Variants in GRIA4 observed in about 807,000 individuals in gnomAD.
The protein encoded by GRIA4 is glutamate ionotropic receptor AMPA type subunit 4.
Under a neutral mutation model 104.0 loss-of-function variants are expected in GRIA4, and 34 were observed. The ratio of observed to expected loss-of-function variants is 0.33; its 90% CI spans 0.25 to 0.44. GRIA4 has a LOEUF of 0.44. Among genes scored for constraint, GRIA4 ranks in the 20% least tolerant of loss-of-function variants. The pLI is 1.00. For missense variants in GRIA4, 750 were observed against 1,096.5 expected (o/e 0.68, Z 4.46); for synonymous variants, 386 against 381.9 (o/e 1.01, Z -0.13).
intron 10 of GRIA4, chr11:105,912,349 G>C: frequency 4.1e-6 from 4 of 975,428 alleles, no homozygotes; most frequent in Non-Finnish European, 4.9e-6. Flanking sequence ...GTTTTAATGT[G>C]CATTATAGGT....
intron 4 of GRIA4, among the ~76,000 whole-genome samples, chr11:105,839,765 G>C (rs1170364107): frequency 1.3e-5 from 2 of 151,842 alleles, no homozygotes; most frequent in African/African-American, 4.8e-5. Flanking sequence ...TCTAGTTCTA[G>C]TTCATTAATA....
intron 6 of GRIA4, among the ~76,000 whole-genome samples, chr11:105,889,885 A>T (rs1946399389): frequency 1.3e-5 from 2 of 152,196 alleles, no homozygotes; most frequent in South Asian, 4.1e-4. Flanking sequence ...ATATTCTAAA[A>T]ATTAAACCAA....
At chr11:105,776,496 A>G (rs1327409253) in intron 4 of GRIA4, among the ~76,000 whole-genome samples, 6 of 152,194 alleles carry the variant, frequency 3.9e-5, no homozygotes, top group Admixed American at 1.3e-4. Context: ...CATAAAACAG[A>G]TGGTTTATAT....
At chr11:105,615,118 C>G (rs1281576311) in intron 3 of GRIA4, among the ~76,000 whole-genome samples, 3 of 151,688 alleles carry the variant, frequency 2.0e-5, no homozygotes, top group Non-Finnish European at 3.0e-5. Flanking sequence ...ACTGGAGGAT[C>G]TGATCTGTCT....
intron 4 of GRIA4, among the ~76,000 whole-genome samples, chr11:105,853,192 T>C (rs1413809654): frequency 1.3e-5 from 2 of 152,144 alleles, no homozygotes; most frequent in African/African-American, 4.8e-5. Flanking sequence ...GTTTTGCAGG[T>C]TAGCTCAGGA....
chr11:105,760,471 G>C (rs943132004), intron 4 of GRIA4, among the ~76,000 whole-genome samples: 1 of 152,056 alleles, frequency 6.6e-6, no homozygotes, highest in African/African-American at 2.4e-5. Flanking sequence ...TTCTTGCAAT[G>C]TTGTTCCTTA....
chr11:105,646,737 A>C (rs7115043), intron 3 of GRIA4, among the ~76,000 whole-genome samples: 78,774 of 151,982 alleles, frequency 0.52, 20,682 homozygotes, highest in Admixed American at 0.61. Flanking sequence ...CTGGCTAGCC[A>C]AATGCAGAAG....
chr11:105,912,600 GC>G (rs1340902406), intron 10 of GRIA4: 3 of 434,918 alleles, frequency 6.9e-6, no homozygotes, highest in Non-Finnish European at 9.1e-6. Flanking sequence ...TGACAGTAAA[GC>G]CATCAATATT....
chr11:105,974,986 A>T (rs1470399010), intron 16 of GRIA4: 1 of 166,042 alleles, frequency 6.0e-6, no homozygotes, highest in Non-Finnish European at 1.3e-5. Context: ...TGACAAAGTC[A>T]TATTGTTTTC....
At chr11:105,878,544 C>G (rs1186532396) in intron 5 of GRIA4, among the ~76,000 whole-genome samples, 1 of 152,212 alleles carries the variant, frequency 6.6e-6, no homozygotes, top group East Asian at 1.9e-4. Flanking sequence ...TTCTCTGTCA[C>G]AGGGAGATGG....
At chr11:105,633,405 C>G (rs1951089196) in intron 3 of GRIA4, among the ~76,000 whole-genome samples, 1 of 152,170 alleles carries the variant, frequency 6.6e-6, no homozygotes, top group Non-Finnish European at 1.5e-5. Flanking sequence ...GAGTCTATAT[C>G]TATTTTTCCT....
intron 4 of GRIA4, among the ~76,000 whole-genome samples, chr11:105,821,438 C>T (rs1304270093): frequency 2.0e-5 from 3 of 151,862 alleles, no homozygotes; most frequent in Non-Finnish European, 4.4e-5. Context: ...GAAGCATAGT[C>T]CTGGCATCTG....
intron 5 of GRIA4, among the ~76,000 whole-genome samples, chr11:105,874,385 G>A (rs535748453): frequency 6.6e-6 from 1 of 152,286 alleles, no homozygotes; most frequent in South Asian, 2.1e-4. Context: ...GCTTAGGATT[G>A]TCTTGGCTAT....
chr11:105,804,538 A>G (rs901205494), intron 4 of GRIA4, among the ~76,000 whole-genome samples: 2 of 152,022 alleles, frequency 1.3e-5, no homozygotes, highest in African/African-American at 4.8e-5. Context: ...TCCTGCACAG[A>G]AAAATGACAG....
At chr11:105,785,024 A>G (rs1185713905) in intron 4 of GRIA4, among the ~76,000 whole-genome samples, 1 of 152,126 alleles carries the variant, frequency 6.6e-6, no homozygotes, top group East Asian at 1.9e-4. Flanking sequence ...TATTAAGCCC[A>G]TGCAGCGTTC....
intron 7 of GRIA4, 113 bp from the exon 8 acceptor site, chr11:105,903,701 C>T: frequency 1.5e-6 from 1 of 686,936 alleles, no homozygotes; most frequent in South Asian, 1.9e-5. Context: ...GTAATTTAAC[C>T]ATCCTTCAGA....
chr11:105,947,154 G>A (rs948757824), intron 14 of GRIA4, among the ~76,000 whole-genome samples: 1 of 152,060 alleles, frequency 6.6e-6, no homozygotes, highest in Non-Finnish European at 1.5e-5. Context: ...ATATTATAAT[G>A]GTCATCAAAT....
At chr11:105,893,161 G>T (rs536902590) in intron 6 of GRIA4, among the ~76,000 whole-genome samples, 32 of 152,156 alleles carry the variant, frequency 2.1e-4, no homozygotes, top group African/African-American at 7.5e-4. Flanking sequence ...ACAAGAGAAA[G>T]CCTTTCCCAT....
chr11:105,833,715 A>G (rs1944069723), intron 4 of GRIA4, among the ~76,000 whole-genome samples: 1 of 151,958 alleles, frequency 6.6e-6, no homozygotes, highest in Non-Finnish European at 1.5e-5. Context: ...CTTTTGTTTT[A>G]GTCTTAACTA....
Sources: allele counts gnomAD v4.1 joint callset (sites outside exome capture counted in the v4.1 genomes callset), GRCh38; gene constraint gnomAD v4.1.1; transcripts MANE v1.5; gene names NCBI Gene and HGNC (gene_info 2026-07-23, HGNC 2026-07-21).